FAAH2: variants seen among roughly 807,000 people sequenced by gnomAD.
FAAH2 encodes the protein fatty acid amide hydrolase 2.
FAAH2 carries 60 observed loss-of-function variants against 36.9 expected under a neutral mutation model. The observed-to-expected ratio is 1.63, with a 90% CI of 1.32 to 2.02. The LOEUF (loss-of-function observed/expected upper bound fraction) is 2.02, where lower values mean the gene tolerates loss of function less well. Ranked by LOEUF, FAAH2 falls within the 30% of genes most tolerant of loss-of-function variation. The pLI is 0.00. For missense variants in FAAH2, 689 were observed against 397.5 expected (o/e 1.73, Z -6.23); for synonymous variants, 214 against 143.8 (o/e 1.49, Z -3.49).
chrX:57,203,686 T>G, the FAAH2 span, among the ~76,000 whole-genome samples: 1 of 111,765 alleles, frequency 8.9e-6, no homozygotes, highest in Non-Finnish European at 1.9e-5. Context: ...TCCAAGTATT[T>G]TTATCTATTT....
the FAAH2 span, among the ~76,000 whole-genome samples, chrX:57,249,186 C>T: frequency 1.8e-5 from 2 of 111,489 alleles, no homozygotes; most frequent in South Asian, 3.7e-4. Flanking sequence ...TATCATAGTG[C>T]TATTGTGGCA....
chrX:57,439,475 G>T (rs1339650958), intron 8 of FAAH2, among the ~76,000 whole-genome samples: 9 of 110,786 alleles, frequency 8.1e-5, no homozygotes, highest in Non-Finnish European at 1.1e-4. Context: ...TAAATTTGTT[G>T]GAGTCCATTG....
the FAAH2 span, among the ~76,000 whole-genome samples, chrX:57,152,384 C>A: frequency 8.9e-6 from 1 of 112,651 alleles, no homozygotes; most frequent in African/African-American, 3.2e-5. Context: ...CCTACAGAGG[C>A]AGGCAGGCCT....
intron 7 of FAAH2, among the ~76,000 whole-genome samples, chrX:57,423,311 A>G (rs1299564313): frequency 8.9e-6 from 1 of 111,795 alleles, no homozygotes; most frequent in African/African-American, 3.3e-5. Context: ...CATGGACAGA[A>G]CTGAGAGGTG....
intron 10 of FAAH2, among the ~76,000 whole-genome samples, chrX:57,469,392 G>A (rs953705072): frequency 2.7e-5 from 3 of 111,401 alleles, no homozygotes; most frequent in South Asian, 3.8e-4. Context: ...CAAAATAAAG[G>A]GATGGAGGAA....
intron 4 of FAAH2, among the ~76,000 whole-genome samples, chrX:57,333,407 G>C (rs374485923): frequency 9.0e-6 from 1 of 111,399 alleles, no homozygotes; most frequent in Non-Finnish European, 1.9e-5. Context: ...ATCACAGTTT[G>C]AAAAGAGAAA....
chrX:57,336,800 G>A (rs1260901102), intron 4 of FAAH2, among the ~76,000 whole-genome samples: 6 of 110,899 alleles, frequency 5.4e-5, no homozygotes, highest in African/African-American at 2.0e-4. Context: ...AGCTAGAAAG[G>A]TCTAAAACTG....
At chrX:57,167,370 C>T in the FAAH2 span, among the ~76,000 whole-genome samples, 29 of 111,200 alleles carry the variant, frequency 2.6e-4, 1 homozygote, top group Non-Finnish European at 4.9e-4. Flanking sequence ...GCACCTGTCC[C>T]TTTACCAGAT....
rs781236041 is a variant in FAAH2 at position 57,323,252 on chromosome X, G to T, written c.413-8346G>T. Among the ~76,000 whole-genome samples the T allele has an allele frequency of 7.2e-5, 8 of 111,565 alleles. No individual in the cohort carries two copies. In the South Asian group the frequency reaches 3.0e-3, roughly 42 times the overall value. On this transcript the variant is annotated intron_variant, in intron 3 of 10. Transcript: ENST00000374900. ...CTATCATTGTTGGACATTTGGGTTG[G>T]TTCCAAGTCTTTGCTATTGTGAATA...
the FAAH2 span, among the ~76,000 whole-genome samples, chrX:57,209,367 G>T: frequency 1.8e-5 from 2 of 111,794 alleles, no homozygotes; most frequent in Non-Finnish European, 3.8e-5. Flanking sequence ...TTCTTATTCA[G>T]GTCAAAGGGC....
intron 5 of FAAH2, among the ~76,000 whole-genome samples, chrX:57,362,333 C>A (rs985481903): frequency 5.4e-5 from 6 of 110,553 alleles, no homozygotes; most frequent in East Asian, 5.7e-4. Flanking sequence ...AGAGGAACAT[C>A]ACACACTGGG....
intron 4 of FAAH2, among the ~76,000 whole-genome samples, chrX:57,340,141 T>C (rs2053651625): frequency 9.0e-6 from 1 of 111,638 alleles, no homozygotes; most frequent in Non-Finnish European, 1.9e-5. Context: ...CTTGTGTGAG[T>C]CCGAGCGTCC....
chrX:57,322,979 C>T (rs1485118170), intron 3 of FAAH2, among the ~76,000 whole-genome samples: 1 of 110,408 alleles, frequency 9.1e-6, no homozygotes. Flanking sequence ...GCTATCCTTC[C>T]CCACTTTCCC....
intron 10 of FAAH2, among the ~76,000 whole-genome samples, chrX:57,468,020 A>G (rs1569365233): frequency 8.9e-6 from 1 of 111,955 alleles, no homozygotes; most frequent in South Asian, 3.7e-4. Flanking sequence ...AACTCAAACA[A>G]TCCTGCAGCT....
the FAAH2 span, among the ~76,000 whole-genome samples, chrX:57,150,794 T>C: frequency 1.6e-4 from 18 of 111,713 alleles, 1 homozygote; most frequent in Admixed American, 1.6e-3. Flanking sequence ...TGAATTTGAT[T>C]CTGTCTTTAT....
chrX:57,231,764 C>T, the FAAH2 span, among the ~76,000 whole-genome samples: 2 of 111,623 alleles, frequency 1.8e-5, 1 homozygote, highest in Non-Finnish European at 3.8e-5. Flanking sequence ...TCAACATTTG[C>T]TTTTTCTGAA....
At chrX:57,384,891 C>A in intron 7 of FAAH2, among the ~76,000 whole-genome samples, 1 of 110,893 alleles carries the variant, frequency 9.0e-6, no homozygotes, top group East Asian at 2.8e-4. Flanking sequence ...AAATGTCCAA[C>A]AATGATAGAC....
At chrX:57,487,273 G>C (rs2057491721) in intron 10 of FAAH2, among the ~76,000 whole-genome samples, 1 of 106,249 alleles carries the variant, frequency 9.4e-6, no homozygotes, top group African/African-American at 3.3e-5. Context: ...AAGAAAGCAT[G>C]ATAAATTAGA....
chrX:57,469,467 C>T (rs1031566399), intron 10 of FAAH2, among the ~76,000 whole-genome samples: 1 of 111,343 alleles, frequency 9.0e-6, no homozygotes, highest in African/African-American at 3.3e-5. Context: ...TGATGAAACA[C>T]ACTTTAAACC....
Sources: gnomAD v4.1 joint callset for allele counts (sites outside exome capture counted in the v4.1 genomes callset) on GRCh38, gnomAD v4.1.1 for gene constraint, MANE v1.5 for transcripts, NCBI Gene and HGNC (gene_info 2026-07-23, HGNC 2026-07-21) for gene names.